LTV1: variants seen among roughly 807,000 people sequenced by gnomAD.
LTV1 encodes protein LTV1 homolog.
LTV1 carries 39 observed loss-of-function variants against 59.9 expected under a neutral mutation model. The observed-to-expected ratio is 0.65, with a 90% confidence interval of 0.50 to 0.85. LTV1 has a LOEUF of 0.85. Ranked by LOEUF, LTV1 falls within the 40% of genes least tolerant of loss-of-function variation. The pLI is 0.00. For missense variants in LTV1, 493 were observed against 549.1 expected, an observed-to-expected ratio of 0.90 and a Z score of 1.02; for synonymous variants, 171 against 189.5, an observed-to-expected ratio of 0.90 and a Z score of 0.80.
chr6:143,851,101 G>A (rs1318822828), intron 4 of LTV1, among the ~76,000 whole-genome samples: 2 of 152,064 alleles, frequency 1.3e-5, no homozygotes, highest in African/African-American at 4.8e-5. Context: ...GTGAATATAG[G>A]TAACTATACA....
intron 1 of LTV1, 45 bp from the exon 2 acceptor site, chr6:143,844,441 T>C: frequency 1.3e-6 from 2 of 1,599,796 alleles, no homozygotes; most frequent in Non-Finnish European, 1.7e-6. Flanking sequence ...TTCTCCGTCT[T>C]TTTGTTCTGT....
chr6:143,850,241 T>G (rs1562329879), intron 4 of LTV1, 23 bp downstream of exon 4: 1 of 1,558,886 alleles, frequency 6.4e-7, no homozygotes, highest in Non-Finnish European at 8.8e-7. Flanking sequence ...GCTTTATCTT[T>G]TCATATGGAT....
intron 3 of LTV1, among the ~76,000 whole-genome samples, chr6:143,847,670 T>C (rs1291981014): frequency 6.6e-6 from 1 of 152,230 alleles, no homozygotes; most frequent in African/African-American, 2.4e-5. Context: ...CGTATAAGAC[T>C]AACTTTTAAT....
At chr6:143,845,203 G>A (rs893034814) in intron 2 of LTV1, among the ~76,000 whole-genome samples, 2 of 152,084 alleles carry the variant, frequency 1.3e-5, no homozygotes, top group Non-Finnish European at 2.9e-5. Context: ...TTGACTTAAT[G>A]TTAGACTCTA....
chr6:143,851,946 G>A (rs1776989793), intron 4 of LTV1, among the ~76,000 whole-genome samples: 6 of 152,258 alleles, frequency 3.9e-5, no homozygotes, highest in African/African-American at 9.6e-5. Flanking sequence ...GTGTATATGT[G>A]CCACATTTTC....
chr6:143,855,435 C>T lies in LTV1; in HGVS notation c.398-1868C>T, dbSNP rs1329177642. Among the ~76,000 whole-genome samples, 1 of 152,090 alleles carries T rather than the reference C, an allele frequency of 6.6e-6. No individual in the cohort carries two copies. The highest frequency in any genetic ancestry group is 2.4e-5 in the African/African-American group (1 of 41,416). On this transcript the variant is annotated intron_variant, in intron 4 of 10. Transcript: ENST00000367576. The surrounding 1 kb of genome is among the most constrained non-coding windows in gnomAD (Gnocchi z 4.6). ...TGTGTCTTTTAATTGGGGCTTTTAT[C>T]CCATTTACATTTAAGGTTAATATTG...
chr6:143,844,611 A>G lies in LTV1; in HGVS notation c.129A>G (p.Thr43=), dbSNP rs1368864450. The G allele has an allele frequency of 1.2e-6, 2 of 1,613,602 alleles. No individual in the cohort carries two copies. The highest frequency in any genetic ancestry group is 2.2e-5 in the South Asian group (2 of 90,960). The part of the protein sequence containing the change: ...ESAPQRVLLP[T]QKIDNEERRA... The stretch of plus-strand genomic sequence containing the variant: ...CACCCCAGAGGGTTCTATTGCCCAC[A>G]CAAAAAGTAGGTCCTGTTCTTTAGC... Residue 43 remains threonine, a synonymous_variant, in exon 2 of 11, where the codon ACA becomes ACG. Coordinates refer to ENST00000367576, the MANE Select transcript of LTV1 (RefSeq NM_032860.5).
chr6:143,856,058 T>G, intron 4 of LTV1, among the ~76,000 whole-genome samples: 1 of 152,236 alleles, frequency 6.6e-6, no homozygotes, highest in East Asian at 1.9e-4. Context: ...CCTATCACTT[T>G]CAGGTACACC....
chr6:143,844,684 TTA>T, intron 2 of LTV1, 67 bp downstream of exon 2: 6 of 1,483,358 alleles, frequency 4.0e-6, no homozygotes, highest in Non-Finnish European at 4.5e-6. Flanking sequence ...TTTTTTTTTT[TTA>T]AATAAATAGA....
chr6:143,856,902 G>T (rs1282451625), intron 4 of LTV1, among the ~76,000 whole-genome samples: 1 of 152,224 alleles, frequency 6.6e-6, no homozygotes, highest in African/African-American at 2.4e-5. Context: ...TAGGCAGGAG[G>T]CACAGGGGTC....
At position 143,845,022 on chromosome 6, in the gene LTV1, G is replaced by T. The variant is rs545259742; in HGVS notation, c.135+405G>T. 1.7e-3 allele frequency among the ~76,000 whole-genome samples: 264 copies of T among 152,202 alleles called. 1 individual carries two copies. The highest frequency in any genetic ancestry group is 5.7e-3 in the African/African-American group (238 of 41,534). The stretch of plus-strand genomic sequence containing the variant: ...TTACCAAAGCACCAGCTACAATGCG[G>T]CATGATGTTATTTAGGGCACCGATA... On this transcript the variant is annotated intron_variant, in intron 2 of 10. Coordinates refer to ENST00000367576, the MANE Select transcript of LTV1 (RefSeq NM_032860.5).
intron 4 of LTV1, among the ~76,000 whole-genome samples, chr6:143,853,309 A>G (rs1777017345): frequency 6.6e-6 from 1 of 152,144 alleles, no homozygotes; most frequent in South Asian, 2.1e-4. Context: ...ATTTTTGCAC[A>G]TTGATTTTGT....
Position 143,857,708 on chromosome 6 carries a change from CT to C in LTV1, c.540-39del, listed in dbSNP as rs1777099706. The stretch of plus-strand genomic sequence containing the variant: ...TGTGTAAAGTGGTTTTGTTCTGTTA[CT>C]TTTTAAGTTGTTTTGGTAGGTAATT... On this transcript the variant is annotated intron_variant, in intron 5 of 10. Transcript: ENST00000367576. This position sits in a 1 kb window ranked among gnomAD's most constrained non-coding sequence, Gnocchi z 5.2. The C allele has an allele frequency of 6.2e-7, 1 of 1,606,714 alleles. No individual in the cohort carries two copies. Among genetic ancestry groups the C allele is most frequent in the South Asian group, 1.1e-5 (1 of 90,820 alleles).
In LTV1 at chr6:143,862,318, A is replaced by T. The variant is rs1768010617; in HGVS notation, c.1063+75A>T. On this transcript the variant is annotated intron_variant, in intron 8 of 10. Transcript: ENST00000367576. The surrounding 1 kb of genome is among the most constrained non-coding windows in gnomAD (Gnocchi z 4.2). Reference sequence around the variant, plus strand: ...AACTTTAGGCTGGGTGCGGTGCCTCACGCCTGTAGTAATCCCAGCACTTTG... The same window carrying T: ...AACTTTAGGCTGGGTGCGGTGCCTCTCGCCTGTAGTAATCCCAGCACTTTG... 7.5e-7 allele frequency: 1 copy of T among 1,338,176 alleles called. No homozygotes were observed. The highest frequency in any genetic ancestry group is 1.0e-6 in the Non-Finnish European group (1 of 965,630). The allele number at this position is 1,338,176 out of a possible 1,614,324, so 82.9% of individuals were successfully genotyped here. A position where few individuals can be genotyped will look rare whatever the true frequency, so the allele number is the denominator to read the frequency against.
chr6:143,844,453 T>G, intron 1 of LTV1, 33 bp from the exon 2 acceptor site: 2 of 1,609,286 alleles, frequency 1.2e-6, no homozygotes, highest in Non-Finnish European at 1.7e-6. Context: ...TTGTTCTGTT[T>G]TAATTAATTG....
intron 6 of LTV1, among the ~76,000 whole-genome samples, chr6:143,859,331 A>C (rs1346108445): frequency 6.6e-6 from 1 of 152,206 alleles, no homozygotes; most frequent in Non-Finnish European, 1.5e-5. Flanking sequence ...GTTCTGTAGC[A>C]CATAACACCT....
intron 1 of LTV1, 74 bp downstream of exon 1, chr6:143,843,554 T>C (rs1776837569): frequency 6.3e-6 from 10 of 1,592,402 alleles, no homozygotes; most frequent in Non-Finnish European, 8.6e-7. Context: ...CGGTAATACC[T>C]TGGCTACTGC....
Position 143,860,489 on chromosome 6 carries a change from A to G in LTV1, c.859A>G (p.Ile287Val). The change falls in exon 7 of 11, where the codon ATT (isoleucine) becomes GTT (valine). Residue 287 changes from isoleucine to valine, a missense_variant. Physicochemically the swap from Ile to Val is conservative, Grantham distance 29. Transcript: ENST00000367576. The part of the protein sequence containing the change: ...ALDNAELEGS[I>V]QVDSNRLQEV... ...GGATAATGCAGAATTGGAAGGTTCTATTCAAGTGGACAGCAATCGCTTACA... is the reference window on the plus strand; with the variant it reads ...GGATAATGCAGAATTGGAAGGTTCTGTTCAAGTGGACAGCAATCGCTTACA... The G allele has an allele frequency of 1.2e-6, 2 of 1,613,742 alleles. No homozygotes were observed. The highest frequency in any genetic ancestry group is 8.5e-7 in the Non-Finnish European group (1 of 1,179,746).
Position 143,862,876 on chromosome 6 carries a change from C to T in LTV1, c.1096C>T (p.Leu366Phe), listed in dbSNP as rs763866883. The T allele has an allele frequency of 1.3e-6, 2 of 1,595,714 alleles. No homozygotes were observed. The highest frequency in any genetic ancestry group is 8.6e-7 in the Non-Finnish European group (1 of 1,163,364). ...CTCAAATTTATATAACCATCCACAG[C>T]TTATCAAGTATCAACCAAAGGTAAG... is the stretch of plus-strand genomic sequence containing the variant. The part of the protein sequence containing the change: ...TYSNLYNHPQ[L>F]IKYQPKPKQI... Residue 366 changes from leucine (L) to phenylalanine (F), a missense_variant, in exon 9 of 11, where the codon CTT (leucine) becomes TTT (phenylalanine). Physicochemically the swap from Leu to Phe is conservative, Grantham distance 22. Transcript: ENST00000367576. This position sits in a 1 kb window ranked among gnomAD's most constrained non-coding sequence, Gnocchi z 4.2.
Sources: gnomAD v4.1 joint callset for allele counts (sites outside exome capture counted in the v4.1 genomes callset) on GRCh38, gnomAD v4.1.1 for gene constraint, Gnocchi (gnomAD v3.1) non-coding constraint, MANE v1.5 for transcripts, NCBI Gene and HGNC (gene_info 2026-07-23, HGNC 2026-07-21) for gene names.